DLG2: variants seen among roughly 807,000 people sequenced by gnomAD.
The protein encoded by DLG2 is discs large MAGUK scaffold protein 2, also known as disks large homolog 2.
DLG2 carries 45 observed loss-of-function variants against 132.5 expected under a neutral mutation model. The observed-to-expected ratio is 0.34, with a 90% CI of 0.27 to 0.44. DLG2 has a LOEUF of 0.44. Among genes scored for constraint, DLG2 ranks in the 20% least tolerant of loss-of-function variants. DLG2 has a pLI of 1.00. For synonymous variants in DLG2, 424 were observed against 419.6 expected (o/e 1.01, Z -0.13); for missense variants, 1,045 against 1,196.9 (o/e 0.87, Z 1.87).
At chr11:84,470,591 T>A (rs891433679) in intron 7 of DLG2, among the ~76,000 whole-genome samples, 5 of 151,708 alleles carry the variant, frequency 3.3e-5, no homozygotes, top group South Asian at 4.1e-4. Context: ...TCAAAGAACA[T>A]CATTCCAGTA....
chr11:83,643,011 T>C (rs1469958405), intron 18 of DLG2, among the ~76,000 whole-genome samples: 1 of 152,180 alleles, frequency 6.6e-6, no homozygotes, highest in African/African-American at 2.4e-5. Flanking sequence ...AAGCTTTATA[T>C]TCCCTGTCTA....
intron 6 of DLG2, among the ~76,000 whole-genome samples, chr11:84,630,328 T>G (rs1395195159): frequency 6.6e-6 from 1 of 152,182 alleles, no homozygotes; most frequent in Non-Finnish European, 1.5e-5. Context: ...ACCCCTGTTT[T>G]CATCCTGAGG....
At chr11:84,129,286 G>T (rs932538467) in intron 9 of DLG2, among the ~76,000 whole-genome samples, 2 of 152,058 alleles carry the variant, frequency 1.3e-5, no homozygotes, top group African/African-American at 4.8e-5. Context: ...TCCTTCTGGG[G>T]GAGCTTTAAG....
intron 6 of DLG2, among the ~76,000 whole-genome samples, chr11:84,628,770 T>C (rs2099626982): frequency 6.6e-6 from 1 of 152,238 alleles, no homozygotes; most frequent in South Asian, 2.1e-4. Context: ...GTTTAACTTC[T>C]TTATAAAACA....
chr11:85,533,433 G>A (rs893968137), intron 3 of DLG2, among the ~76,000 whole-genome samples: 2 of 146,304 alleles, frequency 1.4e-5, no homozygotes, highest in Admixed American at 7.0e-5. Context: ...ATATATATAT[G>A]AAATACATAT....
intron 6 of DLG2, among the ~76,000 whole-genome samples, chr11:84,780,351 A>C (rs2071507991): frequency 6.6e-6 from 1 of 152,132 alleles, no homozygotes; most frequent in African/African-American, 2.4e-5. Context: ...AAAAAAATTA[A>C]AAAACTATAC....
At chr11:85,058,163 T>C (rs1164712783) in intron 6 of DLG2, among the ~76,000 whole-genome samples, 2 of 151,544 alleles carry the variant, frequency 1.3e-5, no homozygotes, top group East Asian at 1.9e-4. Flanking sequence ...AAAGAATCTA[T>C]AGACGAAGCA....
rs116926987 is a variant in DLG2 at position 84,189,523 on chromosome 11, T to C, written c.574-26012A>G. On this transcript the variant is annotated intron_variant, in intron 8 of 27. Coordinates refer to ENST00000376104, the MANE Select transcript of DLG2 (RefSeq NM_001142699.3). ...TCTATTATAAAGATACATGCAAGTG[T>C]GTGTTCACTACAACACTATTTACAA... 5.4e-3 allele frequency among the ~76,000 whole-genome samples: 828 copies of C among 152,292 alleles called. 2 individuals are homozygous for C. The highest frequency in any genetic ancestry group is 0.01 in the South Asian group (50 of 4,824).
At chr11:84,819,009 T>C (rs1268154256) in intron 6 of DLG2, among the ~76,000 whole-genome samples, 1 of 150,484 alleles carries the variant, frequency 6.6e-6, no homozygotes, top group Admixed American at 6.7e-5. Context: ...AGCCCACGAC[T>C]CACCAGGCAC....
intron 16 of DLG2, among the ~76,000 whole-genome samples, chr11:83,851,840 A>T (rs751448412): frequency 1.1e-4 from 16 of 151,766 alleles, no homozygotes; most frequent in Admixed American, 4.6e-4. Flanking sequence ...AATTGCTTGA[A>T]CCCAGGAGGC....
chr11:84,010,546 C>A (rs2094831386), intron 11 of DLG2, among the ~76,000 whole-genome samples: 1 of 152,032 alleles, frequency 6.6e-6, no homozygotes, highest in Non-Finnish European at 1.5e-5. Context: ...AAGTAATCCT[C>A]CTGCCTCCGT....
At chr11:84,590,494 T>C (rs1377356483) in intron 6 of DLG2, among the ~76,000 whole-genome samples, 1 of 152,222 alleles carries the variant, frequency 6.6e-6, no homozygotes, top group African/African-American at 2.4e-5. Context: ...CACACAATTG[T>C]TAATTAATCT....
chr11:84,948,241 C>T (rs2050474834), intron 6 of DLG2, among the ~76,000 whole-genome samples: 1 of 152,202 alleles, frequency 6.6e-6, no homozygotes, highest in South Asian at 2.1e-4. Flanking sequence ...TGTTCTGTTT[C>T]TATTTTCCTT....
intron 6 of DLG2, among the ~76,000 whole-genome samples, chr11:84,621,527 C>T (rs2099613998): frequency 6.6e-6 from 1 of 152,002 alleles, no homozygotes; most frequent in Non-Finnish European, 1.5e-5. Flanking sequence ...TGTTCACTCG[C>T]TAATTGAATA....
At chr11:85,384,227 A>C (rs1181656182) in intron 3 of DLG2, among the ~76,000 whole-genome samples, 1 of 152,168 alleles carries the variant, frequency 6.6e-6, no homozygotes, top group Non-Finnish European at 1.5e-5. Context: ...TAGATGAAGA[A>C]ATTGAGGATT....
chr11:84,705,805 A>T (rs1247889028), intron 6 of DLG2, among the ~76,000 whole-genome samples: 1 of 151,866 alleles, frequency 6.6e-6, no homozygotes, highest in Admixed American at 6.6e-5. Flanking sequence ...GATGGGTGTC[A>T]TTATTCAACA....
intron 6 of DLG2, among the ~76,000 whole-genome samples, chr11:85,072,230 T>C (rs944295061): frequency 6.6e-6 from 1 of 151,846 alleles, no homozygotes. Context: ...CCTTGGCATA[T>C]AGCAGTCACT....
At position 84,408,357 on chromosome 11, in the gene DLG2, T is replaced by A. The variant is rs868845029; in HGVS notation, c.519+126213A>T. ...ACATGTTATATATATATATATATATTATTATACTTTAAGTTCTAGGGTACA... is the reference window on the plus strand; with the variant it reads ...ACATGTTATATATATATATATATATAATTATACTTTAAGTTCTAGGGTACA... On this transcript the variant is annotated intron_variant, in intron 7 of 27. Coordinates refer to ENST00000376104, the MANE Select transcript of DLG2 (RefSeq NM_001142699.3). Among the ~76,000 whole-genome samples the A allele has an allele frequency of 1.5e-4, 23 of 151,324 alleles. No individual in the cohort carries two copies. The East Asian group carries it at 3.7e-3, about 24-fold the overall frequency.
At chr11:85,021,501 GC>G (rs1227829862) in intron 6 of DLG2, 12 of 1,486,832 alleles carry the variant, frequency 8.1e-6, no homozygotes, top group Non-Finnish European at 1.1e-5. Flanking sequence ...AGAAGGCAAA[GC>G]CGTTATGAAC....
Sources: allele counts gnomAD v4.1 joint callset (sites outside exome capture counted in the v4.1 genomes callset), GRCh38; gene constraint gnomAD v4.1.1; transcripts MANE v1.5; gene names NCBI Gene and HGNC (gene_info 2026-07-23, HGNC 2026-07-21).